Variants in ARHGEF10L observed in about 807,000 individuals in gnomAD.
The protein encoded by ARHGEF10L is rho guanine nucleotide exchange factor 10-like protein.
A neutral mutation model predicts 141.2 loss-of-function variants in ARHGEF10L; 69 were observed. That is an observed-to-expected ratio of 0.49 (90% CI 0.40 to 0.60). The LOEUF (loss-of-function observed/expected upper bound fraction) is 0.60, where lower values mean the gene tolerates loss of function less well. Ranked by LOEUF, ARHGEF10L falls within the 20% of genes least tolerant of loss-of-function variation. The pLI, the probability that ARHGEF10L is intolerant of heterozygous loss-of-function variation, is 0.00. For synonymous variants in ARHGEF10L, 711 were observed against 718.5 expected, an observed-to-expected ratio of 0.99 and a Z score of 0.17; for missense variants, 1,482 against 1,734.3, an observed-to-expected ratio of 0.85 and a Z score of 2.58.
intron 27 of ARHGEF10L, 62 bp downstream of exon 27, chr1:17,687,809 T>C (rs1179364645): frequency 2.0e-6 from 3 of 1,488,084 alleles, no homozygotes; most frequent in Non-Finnish European, 2.7e-6. Context: ...GGCCAGGTAG[T>C]GGTGTGACCT....
rs1326773404 is a variant in ARHGEF10L, at chr1:17,573,413, AG to A, written c.-43-7137del. On this transcript the variant is annotated intron_variant, in intron 1 of 28. Transcript: ENST00000361221. The surrounding 1 kb of genome is among the most constrained non-coding windows in gnomAD (Gnocchi z 4.8). ...GGTGGGAGCCACGGTGCCCCATCAC[AG>A]GGACACCCCTGATGTGGGGCTGAGG... is the stretch of plus-strand genomic sequence containing the variant. Among the ~76,000 whole-genome samples, 3 of 152,260 alleles carry A rather than the reference AG, an allele frequency of 2.0e-5. No homozygotes were observed. Among genetic ancestry groups the A allele is most frequent in the Non-Finnish European group, 2.9e-5 (2 of 68,012 alleles).
chr1:17,610,364 G>A (rs1342792707), intron 7 of ARHGEF10L, among the ~76,000 whole-genome samples: 3 of 152,178 alleles, frequency 2.0e-5, no homozygotes, highest in African/African-American at 7.2e-5. Context: ...GTGAGCTCGT[G>A]TCCCTCACAC....
At chr1:17,577,697 G>A (rs181386839) in intron 1 of ARHGEF10L, among the ~76,000 whole-genome samples, 34 of 152,346 alleles carry the variant, frequency 2.2e-4, no homozygotes, top group Admixed American at 1.9e-3. Context: ...AAAGGCTAGG[G>A]AGGCAGTGCG....
Position 17,571,435 on chromosome 1 carries a change from C to T in ARHGEF10L, c.-43-9118C>T, listed in dbSNP as rs76282040. Among the ~76,000 whole-genome samples the T allele has an allele frequency of 7.4e-3, 1,128 of 152,252 alleles. 14 individuals are homozygous for T. Among genetic ancestry groups the T allele is most frequent in the African/African-American group, 0.025 (1,041 of 41,536 alleles). On this transcript the variant is annotated intron_variant, in intron 1 of 28. Coordinates refer to ENST00000361221, the MANE Select transcript of ARHGEF10L (RefSeq NM_018125.4). ...AGGGACAGGAGACGGAGCATGGGCA[C>T]TCCTCGGGGAAGTCTTGTAAAGGGG...
At chr1:17,662,808 G>A (rs957886013) in intron 25 of ARHGEF10L, among the ~76,000 whole-genome samples, 15 of 152,146 alleles carry the variant, frequency 9.9e-5, no homozygotes, top group African/African-American at 2.9e-4. Flanking sequence ...GTGCCCCATC[G>A]TGCCACCAAG....
intron 19 of ARHGEF10L, 135 bp downstream of exon 19, chr1:17,638,138 G>A (rs1393060847): frequency 5.0e-6 from 4 of 800,470 alleles, no homozygotes; most frequent in Non-Finnish European, 5.8e-6. Flanking sequence ...AGCTCCTGTT[G>A]GCAACTGTCG....
intron 10 of ARHGEF10L, among the ~76,000 whole-genome samples, chr1:17,620,777 T>A (rs185630725): frequency 1.3e-5 from 2 of 152,220 alleles, no homozygotes; most frequent in African/African-American, 4.8e-5. Context: ...AGGGATGGGC[T>A]CCCCTTCAGA....
At position 17,603,428 on chromosome 1, in the gene ARHGEF10L, A is replaced by G; in HGVS notation, c.350-80A>G. On this transcript the variant is annotated intron_variant, in intron 5 of 28. Coordinates refer to ENST00000361221, the MANE Select transcript of ARHGEF10L (RefSeq NM_018125.4). This position sits in a 1 kb window ranked among gnomAD's most constrained non-coding sequence, Gnocchi z 4.8. ...GGTGCTGCGTGCCACCAGCTGGTGC[A>G]GTCCTGATGTCATCTGCAGCACCTC... 1.8e-6 allele frequency: 2 copies of G among 1,107,546 alleles called. No homozygotes were observed. Among genetic ancestry groups the G allele is most frequent in the Non-Finnish European group, 2.6e-6 (2 of 761,774 alleles). The allele number at this position is 1,107,546 out of a possible 1,614,324, so 68.6% of individuals were successfully genotyped here.
intron 1 of ARHGEF10L, among the ~76,000 whole-genome samples, chr1:17,572,623 G>A (rs1173060545): frequency 6.6e-6 from 1 of 152,192 alleles, no homozygotes; most frequent in East Asian, 1.9e-4. Flanking sequence ...TGGAAGTGGG[G>A]CACTGTGCCC....
intron 28 of ARHGEF10L, among the ~76,000 whole-genome samples, chr1:17,695,760 C>T (rs997386386): frequency 6.7e-6 from 1 of 149,724 alleles, no homozygotes; most frequent in African/African-American, 2.5e-5. Context: ...AAGACCCCCA[C>T]ACTTGGATGC....
chr1:17,618,311 G>A (rs1218101302), intron 9 of ARHGEF10L: 7 of 1,513,244 alleles, frequency 4.6e-6, no homozygotes, highest in Non-Finnish European at 5.3e-6. Flanking sequence ...CCCTGCAGAG[G>A]CGATATTAAT....
chr1:17,526,220 G>T, the ARHGEF10L span, among the ~76,000 whole-genome samples: 1 of 152,144 alleles, frequency 6.6e-6, no homozygotes, highest in African/African-American at 2.4e-5. Context: ...AGCCCAGGGA[G>T]CACAGGAATG....
At chr1:17,695,363 T>C (rs2279817) in intron 28 of ARHGEF10L, 83 bp downstream of exon 28, 244,827 of 1,498,342 alleles carry the variant, frequency 0.16, 21,540 homozygotes, top group Non-Finnish European at 0.18. Context: ...GGGTGTATTA[T>C]GCCCTCATTG....
intron 5 of ARHGEF10L, among the ~76,000 whole-genome samples, chr1:17,602,756 T>C (rs1001002093): frequency 6.6e-6 from 1 of 152,098 alleles, no homozygotes; most frequent in African/African-American, 2.4e-5. Flanking sequence ...GAGGCAGTGC[T>C]TAAGGTTCTC....
rs969045849 is a variant in ARHGEF10L at position 17,603,690 on chromosome 1, T to G, written c.433+99T>G. 9.3e-6 allele frequency: 10 copies of G among 1,072,006 alleles called. No homozygotes were observed. The highest frequency in any genetic ancestry group is 1.2e-5 in the Non-Finnish European group (9 of 764,620). 66.4% of individuals were successfully genotyped at this position (1,072,006 alleles called of 1,614,324 possible). On this transcript the variant is annotated intron_variant, in intron 6 of 28. Transcript: ENST00000361221. The surrounding 1 kb of genome is among the most constrained non-coding windows in gnomAD (Gnocchi z 4.8). ...CTTTCCGTTTCCTTCTGTCCCCACC[T>G]GGCCAAGTGCCCCTCCTTCTTGTCT...
At chr1:17,584,334 A>G (rs2078844852) in intron 2 of ARHGEF10L, among the ~76,000 whole-genome samples, 1 of 152,138 alleles carries the variant, frequency 6.6e-6, no homozygotes, top group African/African-American at 2.4e-5. Context: ...CGTCAGCCAC[A>G]GCACCCAGCC....
rs182902215 is a variant in ARHGEF10L at position 17,634,642 on chromosome 1, C to T, written c.1745+80C>T. ...GTGCCATGTGATTCTGGATATGGGG[C>T]TGGGGCCTGGGCGCCTGGTGCTTCT... On this transcript the variant is annotated intron_variant, in intron 17 of 28. Coordinates refer to ENST00000361221, the MANE Select transcript of ARHGEF10L (RefSeq NM_018125.4). 4.6e-4 allele frequency: 727 copies of T among 1,568,274 alleles called. 3 individuals are homozygous for T. In the African/African-American group the frequency reaches 8.7e-3, roughly 19 times the overall value.
At chr1:17,544,086 G>A (rs1206246284) in intron 1 of ARHGEF10L, among the ~76,000 whole-genome samples, 1 of 151,224 alleles carries the variant, frequency 6.6e-6, no homozygotes, top group Non-Finnish European at 1.5e-5. Context: ...TACAGTAGCT[G>A]GGATTACAGG....
chr1:17,617,656 G>A (rs2059879964), intron 9 of ARHGEF10L, among the ~76,000 whole-genome samples: 1 of 152,234 alleles, frequency 6.6e-6, no homozygotes, highest in South Asian at 2.1e-4. Flanking sequence ...AAGGAACACA[G>A]GCCTCGAGCC....
Sources: gnomAD v4.1 joint callset for allele counts (sites outside exome capture counted in the v4.1 genomes callset) on GRCh38, gnomAD v4.1.1 for gene constraint, Gnocchi (gnomAD v3.1) non-coding constraint, MANE v1.5 for transcripts, NCBI Gene and HGNC (gene_info 2026-07-23, HGNC 2026-07-21) for gene names.